C8orf34: variants seen among roughly 807,000 people sequenced by gnomAD.
C8orf34 encodes chromosome 8 open reading frame 34.
In C8orf34, 65 loss-of-function variants were observed where a neutral mutation model predicts 68.3. The ratio of observed to expected loss-of-function variants is 0.95; its 90% CI spans 0.78 to 1.17. The LOEUF is 1.17. Among genes scored for constraint, C8orf34 ranks in the 50% most tolerant of loss-of-function variants. The pLI is 0.00. For missense variants in C8orf34, 664 were observed against 655.4 expected, an observed-to-expected ratio of 1.01 and a Z score of -0.14; for synonymous variants, 244 against 241.2, an observed-to-expected ratio of 1.01 and a Z score of -0.11.
chr8:68,557,877 A>C (rs1816301216), intron 7 of C8orf34, among the ~76,000 whole-genome samples: 1 of 152,230 alleles, frequency 6.6e-6, no homozygotes, highest in African/African-American at 2.4e-5. Flanking sequence ...CATAGCATAA[A>C]CATCAGAATA....
At chr8:68,383,477 G>T (rs1433162745) in intron 1 of C8orf34, among the ~76,000 whole-genome samples, 1 of 152,130 alleles carries the variant, frequency 6.6e-6, no homozygotes, top group African/African-American at 2.4e-5. Flanking sequence ...AAAGTTCATA[G>T]TTTTCATGTG....
At chr8:68,537,799 GT>G (rs535710797) in intron 7 of C8orf34, among the ~76,000 whole-genome samples, 40 of 151,192 alleles carry the variant, frequency 2.6e-4, no homozygotes, top group Admixed American at 2.0e-3. Flanking sequence ...CTTCACTTTT[GT>G]TTTTTTCAGC....
intron 10 of C8orf34, among the ~76,000 whole-genome samples, chr8:68,753,757 T>C (rs769823543): frequency 2.6e-5 from 4 of 152,200 alleles, no homozygotes; most frequent in Admixed American, 1.3e-4. Context: ...AAAACCGTTT[T>C]TCATTGAGGA....
At chr8:68,472,587 A>G (rs926520854) in intron 4 of C8orf34, among the ~76,000 whole-genome samples, 8 of 152,004 alleles carry the variant, frequency 5.3e-5, no homozygotes, top group African/African-American at 1.9e-4. Flanking sequence ...TGCCTGCCAT[A>G]GATATTATTA....
chr8:68,497,813 C>T (rs1209553043), intron 5 of C8orf34, among the ~76,000 whole-genome samples: 1 of 151,090 alleles, frequency 6.6e-6, no homozygotes, highest in Non-Finnish European at 1.5e-5. Context: ...AATATAGATA[C>T]ATATTTGCTT....
chr8:68,355,428 C>T (rs17381186), intron 1 of C8orf34, among the ~76,000 whole-genome samples: 2,277 of 152,200 alleles, frequency 0.015, 25 homozygotes, highest in Non-Finnish European at 0.026. Context: ...CTAATGGGGA[C>T]ACTGTGAGGA....
chr8:68,523,312 G>A (rs1333530044), intron 6 of C8orf34, among the ~76,000 whole-genome samples: 1 of 151,900 alleles, frequency 6.6e-6, no homozygotes, highest in African/African-American at 2.4e-5. Flanking sequence ...AACTTTCATT[G>A]TACTTTCATT....
intron 7 of C8orf34, among the ~76,000 whole-genome samples, chr8:68,540,170 G>A (rs1020891632): frequency 6.6e-6 from 1 of 151,574 alleles, no homozygotes; most frequent in Non-Finnish European, 1.5e-5. Context: ...TTAAATAGAG[G>A]AGCACTAAAG....
chr8:68,540,769 G>A (rs1467090738), intron 7 of C8orf34, among the ~76,000 whole-genome samples: 2 of 152,086 alleles, frequency 1.3e-5, no homozygotes, highest in Non-Finnish European at 2.9e-5. Context: ...TTGAACCCAG[G>A]AGGCGGAGGT....
intron 1 of C8orf34, among the ~76,000 whole-genome samples, chr8:68,425,846 A>G (rs928402167): frequency 1.3e-5 from 2 of 152,178 alleles, no homozygotes; most frequent in Non-Finnish European, 2.9e-5. Flanking sequence ...AGGTCAATGG[A>G]ACAAAACATA....
intron 8 of C8orf34, among the ~76,000 whole-genome samples, chr8:68,654,045 T>C (rs1688563741): frequency 1.3e-5 from 2 of 152,218 alleles, no homozygotes; most frequent in African/African-American, 4.8e-5. Context: ...AATTCTGCTT[T>C]ATATTATTAT....
chr8:68,656,990 T>G (rs1186435473), intron 8 of C8orf34, among the ~76,000 whole-genome samples: 2 of 152,196 alleles, frequency 1.3e-5, no homozygotes, highest in East Asian at 3.8e-4. Flanking sequence ...CATATAGTGA[T>G]AATTTTGTCC....
At chr8:68,707,347 T>G (rs1821195589) in intron 8 of C8orf34, among the ~76,000 whole-genome samples, 1 of 152,170 alleles carries the variant, frequency 6.6e-6, no homozygotes, top group South Asian at 2.1e-4. Flanking sequence ...GCGTTTTTAA[T>G]CCATAGCCAT....
intron 1 of C8orf34, among the ~76,000 whole-genome samples, chr8:68,370,470 G>A (rs563336712): frequency 1.3e-5 from 2 of 152,272 alleles, no homozygotes; most frequent in Admixed American, 6.5e-5. Context: ...AAGGCAGCTA[G>A]TATGGAGCCT....
intron 8 of C8orf34, 39 bp downstream of exon 8, chr8:68,640,550 C>G: frequency 1.3e-6 from 2 of 1,564,504 alleles, no homozygotes; most frequent in Non-Finnish European, 1.7e-6. Flanking sequence ...TAAACATGAT[C>G]TTGATTTTTA....
At position 68,660,689 on chromosome 8, in the gene C8orf34, T is replaced by G. The variant is rs532839306; in HGVS notation, c.1241+20178T>G. Among the ~76,000 whole-genome samples the G allele has an allele frequency of 2.6e-5, 4 of 152,114 alleles. No individual in the cohort carries two copies. In the South Asian group the frequency reaches 8.3e-4, roughly 32 times the overall value. On this transcript the variant is annotated intron_variant, in intron 8 of 13. Transcript: ENST00000518698. The stretch of plus-strand genomic sequence containing the variant: ...TAGGGCTTCAAGCCAAAGGTAGGAG[T>G]TGTGTTTGGGACAAAAATGTGCTTC...
At chr8:68,528,429 C>G (rs1815105399) in intron 6 of C8orf34, among the ~76,000 whole-genome samples, 1 of 152,200 alleles carries the variant, frequency 6.6e-6, no homozygotes, top group South Asian at 2.1e-4. Context: ...TCTCACCCAC[C>G]TTGTTCTTAA....
intron 8 of C8orf34, among the ~76,000 whole-genome samples, chr8:68,701,311 G>A (rs972989535): frequency 6.6e-6 from 1 of 151,950 alleles, no homozygotes; most frequent in Admixed American, 6.6e-5. Context: ...TTAGCTTAAA[G>A]AGATCTCAAT....
chr8:68,796,566 T>C (rs1395372450), intron 12 of C8orf34, among the ~76,000 whole-genome samples: 1 of 152,198 alleles, frequency 6.6e-6, no homozygotes, highest in Non-Finnish European at 1.5e-5. Context: ...AAATTCATAA[T>C]TGTAAGACCA....
Sources: allele counts gnomAD v4.1 joint callset (sites outside exome capture counted in the v4.1 genomes callset), GRCh38; gene constraint gnomAD v4.1.1; transcripts MANE v1.5; gene names NCBI Gene and HGNC (gene_info 2026-07-23, HGNC 2026-07-21).